Variants in SMARCA4 observed in about 807,000 individuals in gnomAD.
SMARCA4 encodes SWI/SNF related BAF chromatin remodeling complex subunit ATPase 4, also known as SWI/SNF-related matrix-associated actin-dependent regulator of chromatin subfamily A member 4.
Under a neutral mutation model 193.9 loss-of-function variants are expected in SMARCA4, and 31 were observed. The ratio of observed to expected loss-of-function variants is 0.16; its 90% confidence interval spans 0.12 to 0.22. The LOEUF (loss-of-function observed/expected upper bound fraction) is 0.22, where lower values mean the gene tolerates loss of function less well. Ranked by LOEUF, SMARCA4 falls within the 10% of genes least tolerant of loss-of-function variation. The pLI is 1.00. For synonymous variants in SMARCA4, 942 were observed against 933.1 expected (o/e 1.01, Z -0.17); for missense variants, 1,148 against 2,296.0 (o/e 0.50, Z 10.22).
intron 1 of SMARCA4, among the ~76,000 whole-genome samples, chr19:10,976,042 G>A (rs1412428380): frequency 6.6e-6 from 1 of 152,174 alleles, no homozygotes; most frequent in African/African-American, 2.4e-5. Context: ...TCATTGCTGC[G>A]TGAATTTCCC....
chr19:11,027,289 C>T (rs1025687153), intron 23 of SMARCA4, among the ~76,000 whole-genome samples: 1 of 152,164 alleles, frequency 6.6e-6, no homozygotes, highest in Non-Finnish European at 1.5e-5. Context: ...CATATCACGT[C>T]GTCCCCCTGC....
At position 11,059,681 on chromosome 19, in the gene SMARCA4, G is replaced by A. The variant is rs2076744046; in HGVS notation, c.4636-72G>A. The A allele has an allele frequency of 1.1e-5, 17 of 1,516,554 alleles. No individual in the cohort carries two copies. In the South Asian group the frequency reaches 1.9e-4, roughly 17 times the overall value. 93.9% of individuals were successfully genotyped at this position (1,516,554 alleles called of 1,614,324 possible). A position where few individuals can be genotyped will look rare whatever the true frequency, so the allele number is the denominator to read the frequency against. On this transcript the variant is annotated intron_variant, in intron 32 of 34. Coordinates refer to ENST00000344626, the MANE Select transcript of SMARCA4 (RefSeq NM_003072.5). ...GGGGCAACACAGGGCTGGGGCTGGG[G>A]CTGGGGCCAGGGCCGGGCAGGCAGC...
intron 30 of SMARCA4, among the ~76,000 whole-genome samples, chr19:11,050,403 T>C (rs1045959180): frequency 6.6e-6 from 1 of 152,144 alleles, no homozygotes; most frequent in Non-Finnish European, 1.5e-5. Flanking sequence ...TCTCTGTGCC[T>C]CAGTCTCCAC....
chr19:11,009,061 C>T (rs1474239890), intron 14 of SMARCA4, among the ~76,000 whole-genome samples: 9 of 108,290 alleles, frequency 8.3e-5, no homozygotes. Context: ...TCTTGCTCTT[C>T]ACCAGGCTGG....
At chr19:11,057,657 A>G (rs1176457202) in intron 30 of SMARCA4, among the ~76,000 whole-genome samples, 1 of 152,040 alleles carries the variant, frequency 6.6e-6, no homozygotes, top group Non-Finnish European at 1.5e-5. Flanking sequence ...TGAGCCCAGG[A>G]GGCAGAGGTT....
rs2146275587 is a variant in SMARCA4, at chr19:11,012,931, C to T, written c.2275-18C>T. The stretch of plus-strand genomic sequence containing the variant: ...GACCCGGCCTTCAGTCCTGGCGTGG[C>T]CGCATCTGTCCTTGCAGATCAAAGG... On this transcript the variant is annotated intron_variant, in intron 15 of 34. Coordinates refer to ENST00000344626, the MANE Select transcript of SMARCA4 (RefSeq NM_003072.5). 1 of 1,613,966 alleles carries T rather than the reference C, an allele frequency of 6.2e-7. No individual in the cohort carries two copies. Among genetic ancestry groups the T allele is most frequent in the Non-Finnish European group, 8.5e-7 (1 of 1,179,886 alleles).
At position 11,058,529 on chromosome 19, in the gene SMARCA4, T is replaced by G. The variant is rs977132991; in HGVS notation, c.4533+166T>G. Among the ~76,000 whole-genome samples the G allele has an allele frequency of 6.6e-6, 1 of 152,100 alleles. No homozygotes were observed. The highest frequency in any genetic ancestry group is 1.5e-5 in the Non-Finnish European group (1 of 67,986). On this transcript the variant is annotated intron_variant, in intron 31 of 34. Transcript: ENST00000344626. The surrounding 1 kb of genome is among the most constrained non-coding windows in gnomAD (Gnocchi z 5.8). ...CCTGGTCGTGGGCTTTTGGGGTTCC[T>G]TGTAAGGGTTGGGGGTGTCCTGAGG... is the stretch of plus-strand genomic sequence containing the variant.
At chr19:10,969,836 A>C (rs747071755) in intron 1 of SMARCA4, among the ~76,000 whole-genome samples, 5 of 151,082 alleles carry the variant, frequency 3.3e-5, no homozygotes, top group Non-Finnish European at 7.4e-5. Flanking sequence ...TGTCCAGAGA[A>C]ATTAAAGTCA....
rs1168700510 is a variant in SMARCA4, at chr19:11,030,475, C to T, written c.3383-255C>T. On this transcript the variant is annotated intron_variant, in intron 24 of 34. Transcript: ENST00000344626. The surrounding 1 kb of genome is among the most constrained non-coding windows in gnomAD (Gnocchi z 5.5). Reference sequence around the variant, plus strand: ...TGGGTGCTGGACTCTGTGCTCCAGGCCCACCTCCTCTAGTTCTCCCAGCGG... The same window carrying T: ...TGGGTGCTGGACTCTGTGCTCCAGGTCCACCTCCTCTAGTTCTCCCAGCGG... Among the ~76,000 whole-genome samples the T allele has an allele frequency of 3.3e-5, 5 of 152,218 alleles. No individual in the cohort carries two copies. The highest frequency in any genetic ancestry group is 1.2e-4 in the African/African-American group (5 of 41,464).
At chr19:10,999,692 C>T (rs906885064) in intron 11 of SMARCA4, among the ~76,000 whole-genome samples, 4 of 152,098 alleles carry the variant, frequency 2.6e-5, no homozygotes, top group Non-Finnish European at 5.9e-5. Flanking sequence ...ATACTGACAC[C>T]TCCAATTCTA....
intron 13 of SMARCA4, among the ~76,000 whole-genome samples, chr19:11,007,002 G>A (rs1003581881): frequency 1.3e-5 from 2 of 152,076 alleles, no homozygotes; most frequent in African/African-American, 2.4e-5. Context: ...TGGGAGGATC[G>A]CTTAAGTCCA....
intron 14 of SMARCA4, 102 bp downstream of exon 14, chr19:11,008,125 G>A (rs1229681958): frequency 8.2e-7 from 1 of 1,217,330 alleles, no homozygotes; most frequent in Non-Finnish European, 1.2e-6. Context: ...ATTCAGCACT[G>A]TCCAGCCAGC....
rs535243671 is a variant in SMARCA4 at position 11,035,248 on chromosome 19, T to A, written c.4170+116T>A. On this transcript the variant is annotated intron_variant, in intron 29 of 34. Coordinates refer to ENST00000344626, the MANE Select transcript of SMARCA4 (RefSeq NM_003072.5). Reference sequence around the variant, plus strand: ...GTCCAAAATGCTTTCCTTGGGCCACTCCTGGCCAGGCTCCGCAGGCAGCCG... The same window carrying A: ...GTCCAAAATGCTTTCCTTGGGCCACACCTGGCCAGGCTCCGCAGGCAGCCG... 5.1e-5 allele frequency: 50 copies of A among 979,578 alleles called. No individual in the cohort carries two copies. The African/African-American group carries it at 7.1e-4, about 14-fold the overall frequency. 60.7% of individuals were successfully genotyped at this position (979,578 alleles called of 1,614,324 possible).
chr19:10,980,932 T>C, intron 1 of SMARCA4: 1 of 152,422 alleles, frequency 6.6e-6, no homozygotes, highest in Non-Finnish European at 1.5e-5. Context: ...TTGTATTTTT[T>C]GTAGAGATGA....
At chr19:10,983,412 T>A (rs1298840454) in intron 1 of SMARCA4, 3 of 151,850 alleles carry the variant, frequency 2.0e-5, no homozygotes, top group Non-Finnish European at 4.4e-5. Flanking sequence ...GCTGAATTGA[T>A]GGAATTTCGG....
At chr19:11,023,707 G>C (rs1324184803) in intron 20 of SMARCA4, 76 bp downstream of exon 20, 1 of 895,624 alleles carries the variant, frequency 1.1e-6, no homozygotes, top group African/African-American at 1.6e-5. Flanking sequence ...GCGTGCTCAG[G>C]GCCTCTCCCC....
intron 30 of SMARCA4, among the ~76,000 whole-genome samples, chr19:11,052,683 A>G (rs992622840): frequency 6.6e-6 from 1 of 152,192 alleles, no homozygotes; most frequent in Admixed American, 6.5e-5. Context: ...TGGTGACAAC[A>G]GGGACACCAG....
intron 8 of SMARCA4, among the ~76,000 whole-genome samples, chr19:10,993,629 C>T (rs2086747066): frequency 6.6e-6 from 1 of 152,106 alleles, no homozygotes; most frequent in Admixed American, 6.6e-5. Flanking sequence ...CCTTTCCCAC[C>T]CACAGTTGCC....
chr19:11,017,117 G>C (rs557179837), intron 16 of SMARCA4, among the ~76,000 whole-genome samples: 2 of 152,210 alleles, frequency 1.3e-5, no homozygotes, highest in South Asian at 4.1e-4. Flanking sequence ...TCTGTGTTAA[G>C]CTGAACGTGA....
Sources: allele counts gnomAD v4.1 joint callset (sites outside exome capture counted in the v4.1 genomes callset), GRCh38; gene constraint gnomAD v4.1.1; non-coding constraint Gnocchi (gnomAD v3.1); transcripts MANE v1.5; gene names NCBI Gene and HGNC (gene_info 2026-07-23, HGNC 2026-07-21).